ROS1: variants seen among roughly 807,000 people sequenced by gnomAD.
ROS1 encodes the protein proto-oncogene tyrosine-protein kinase ROS.
Under a neutral mutation model 273.5 loss-of-function variants are expected in ROS1, and 263 were observed. That is an observed-to-expected ratio of 0.96 (90% CI 0.87 to 1.06). ROS1 has a LOEUF of 1.06. Among genes scored for constraint, ROS1 ranks in the 50% least tolerant of loss-of-function variants. The probability of loss-of-function intolerance (pLI) is 0.00; values close to 1 mark genes in which losing one functional copy is unlikely to be tolerated. For missense variants in ROS1, 2,833 were observed against 2,751.1 expected (o/e 1.03, Z -0.67); for synonymous variants, 1,008 against 954.1 (o/e 1.06, Z -1.04).
At position 117,301,124 on chromosome 6, in the gene ROS1, T is replaced by A. The variant is rs768649987; in HGVS notation, c.6565A>T (p.Thr2189Ser). Residue 2189 changes from threonine (T) to serine (S), a missense_variant, in exon 43 of 44, where the codon ACC (threonine) becomes TCC (serine). Transcript: ENST00000368507. ...NCPDDLWNLMTQCWAQEPDQR... is the reference protein window; with the variant it reads ...NCPDDLWNLMSQCWAQEPDQR... ...TCGGGTTCTTGAGCCCAGCACTGGG[T>A]CATTAAATTCCACCTAAATATATGG... The A allele has an allele frequency of 6.3e-7, 1 of 1,585,320 alleles. No homozygotes were observed. Among genetic ancestry groups the A allele is most frequent in the South Asian group, 1.2e-5 (1 of 82,950 alleles).
In ROS1 at chr6:117,387,814, C is replaced by T. The variant is rs993831048; in HGVS notation, c.1965G>A (p.Trp655Ter). 1 of 1,614,136 alleles carries T rather than the reference C, an allele frequency of 6.2e-7. No homozygotes were observed. Among genetic ancestry groups the T allele is most frequent in the African/African-American group, 1.3e-5 (1 of 75,028 alleles). ...RASSPKRPGP[W>*]SEPSVGTTLV... ...GGGTAGTACCCACTGAGGGCTCTGA[C>T]CAGGGGCCTGGCCTCTTTGGAGAAC... Residue 655 changes from tryptophan (W) to a stop codon, truncating the protein, a stop_gained, in exon 14 of 44, where the codon TGG becomes TGA. Transcript: ENST00000368507. LOFTEE classifies it high-confidence loss of function.
chr6:117,363,827 T>C (rs1194530291), intron 21 of ROS1, among the ~76,000 whole-genome samples: 1 of 152,134 alleles, frequency 6.6e-6, no homozygotes, highest in Non-Finnish European at 1.5e-5. Flanking sequence ...GTGCATGTGT[T>C]TATCTCCCTC....
At chr6:117,290,041 G>C (rs934485644) in intron 43 of ROS1, among the ~76,000 whole-genome samples, 1 of 152,100 alleles carries the variant, frequency 6.6e-6, no homozygotes, top group East Asian at 1.9e-4. Flanking sequence ...AAAGAAATCA[G>C]TCTAAAGGAA....
chr6:117,311,118 CTG>C lies in ROS1; in HGVS notation c.6118-3_6118-2del, dbSNP rs1775512182. 6.3e-7 allele frequency: 1 copy of C among 1,585,902 alleles called. No homozygotes were observed. The highest frequency in any genetic ancestry group is 1.4e-5 in the African/African-American group (1 of 73,650). On this transcript the variant is annotated splice_acceptor_variant and splice_polypyrimidine_tract_variant and intron_variant, in intron 39 of 43. Transcript: ENST00000368507. LOFTEE classifies it high-confidence loss of function. ...CCAAGGTGAGTAAAGGACCATAAAA[CTG>C]TAAGAAATGAAAGAAAAATTACAGG...
chr6:117,290,589 C>G (rs1462384675), intron 43 of ROS1, among the ~76,000 whole-genome samples: 1 of 152,112 alleles, frequency 6.6e-6, no homozygotes, highest in East Asian at 1.9e-4. Flanking sequence ...TAGACATATG[C>G]CGGCTGACTG....
At chr6:117,404,607 AGTCT>A (rs1441353744) in intron 5 of ROS1, among the ~76,000 whole-genome samples, 179 bp from the exon 6 acceptor site, 1 of 146,556 alleles carries the variant, frequency 6.8e-6, no homozygotes, top group Non-Finnish European at 1.5e-5. Context: ...TCAATCAGTC[AGTCT>A]GTCAGTCTTT....
chr6:117,422,636 C>A (rs1775845474), intron 1 of ROS1, among the ~76,000 whole-genome samples: 1 of 151,856 alleles, frequency 6.6e-6, no homozygotes, highest in Admixed American at 6.6e-5. Context: ...TTTTAAAAAT[C>A]TTCCAAATCC....
chr6:117,379,135 T>G lies in ROS1; in HGVS notation c.2506A>C (p.Ser836Arg), dbSNP rs746721106. Residue 836 changes from serine to arginine, a missense_variant, in exon 18 of 44, where the codon AGT becomes CGT. Coordinates refer to ENST00000368507, the MANE Select transcript of ROS1 (RefSeq NM_001378902.1). ...ACCAACCAATACAGGAGCCCATCAC[T>G]GAGGTCTAAAGTTAGAGCAATTACC... ...KKVIALTLDL[S>R]DGLLYWLVQD... The G allele has an allele frequency of 4.3e-6, 7 of 1,612,410 alleles. No homozygotes were observed. In the South Asian group the frequency reaches 7.7e-5, roughly 18 times the overall value.
rs1190220728 is a variant in ROS1 at position 117,311,047 on chromosome 6, T to A, written c.6188A>T (p.Tyr2063Phe). The change falls in exon 40 of 44, where the codon TAC becomes TTC. Residue 2063 changes from tyrosine (Y) to phenylalanine (F), a missense_variant. Transcript: ENST00000368507. ...GTGAATGAAATGCATCCGTTCCAAG[T>A]AGACACAGCCTTTTGAAATATCTAC... ...LCVDISKGCV[Y>F]LERMHFIHRD... is the part of the protein sequence containing the mutation. 2 of 1,609,860 alleles carry A rather than the reference T, an allele frequency of 1.2e-6. No individual in the cohort carries two copies. Among genetic ancestry groups the A allele is most frequent in the Non-Finnish European group, 1.7e-6 (2 of 1,177,706 alleles).
chr6:117,382,535 T>C (rs982381341), intron 17 of ROS1, among the ~76,000 whole-genome samples: 1 of 152,170 alleles, frequency 6.6e-6, no homozygotes, highest in Non-Finnish European at 1.5e-5. Flanking sequence ...TTCTGCAATT[T>C]TCAAGTTTTT....
chr6:117,418,541 T>G, intron 1 of ROS1, 35 bp from the exon 2 acceptor site: 1 of 1,554,706 alleles, frequency 6.4e-7, no homozygotes. Context: ...ACACCAGCCA[T>G]CAGTACTGGG....
intron 35 of ROS1, among the ~76,000 whole-genome samples, chr6:117,324,027 G>A (rs1420789612): frequency 6.6e-6 from 1 of 152,146 alleles, no homozygotes; most frequent in African/African-American, 2.4e-5. Context: ...ACATTTGTAT[G>A]CAGCCAATCA....
At chr6:117,378,168 C>G (rs1442698886) in intron 18 of ROS1, among the ~76,000 whole-genome samples, 1 of 152,110 alleles carries the variant, frequency 6.6e-6, no homozygotes, top group Non-Finnish European at 1.5e-5. Context: ...AATTCTACTC[C>G]TAGGTATTTA....
At position 117,383,495 on chromosome 6, in the gene ROS1, G is replaced by C. The variant is rs778946384; in HGVS notation, c.2303C>G (p.Ser768Cys). 1 of 1,613,528 alleles carries C rather than the reference G, an allele frequency of 6.2e-7. No individual in the cohort carries two copies. Among genetic ancestry groups the C allele is most frequent in the African/African-American group, 1.3e-5 (1 of 74,914 alleles). Reference sequence around the variant, plus strand: ...AATGTCTGTGTGTCCCGTCAACACAGACTGCCTTTGTATCTAAAAAACATA... The same window carrying C: ...AATGTCTGTGTGTCCCGTCAACACACACTGCCTTTGTATCTAAAAAACATA... ...AGKTYVIQRQ[S>C]VLTGHTDIVT... Residue 768 changes from serine to cysteine, a missense_variant, in exon 17 of 44, where the codon TCT becomes TGT. Coordinates refer to ENST00000368507, the MANE Select transcript of ROS1 (RefSeq NM_001378902.1).
At chr6:117,361,818 A>G (rs1362148392) in intron 22 of ROS1, among the ~76,000 whole-genome samples, 1 of 151,982 alleles carries the variant, frequency 6.6e-6, no homozygotes, top group African/African-American at 2.4e-5. Context: ...CCCCAAAAAG[A>G]AATGGTGGAA....
At chr6:117,388,718 A>G (rs1267566261) in intron 13 of ROS1, among the ~76,000 whole-genome samples, 2 of 152,234 alleles carry the variant, frequency 1.3e-5, no homozygotes, top group Non-Finnish European at 2.9e-5. Flanking sequence ...TCCTTTACAG[A>G]AAAAGTTTGC....
chr6:117,369,217 A>C (rs954179293), intron 18 of ROS1, among the ~76,000 whole-genome samples: 1 of 152,208 alleles, frequency 6.6e-6, no homozygotes, highest in Admixed American at 6.5e-5. Context: ...GCCCTTTGTT[A>C]TCTCACTGGG....
chr6:117,318,128 A>T (rs2128556682), intron 38 of ROS1, 60 bp downstream of exon 38: 1 of 1,257,240 alleles, frequency 8.0e-7, no homozygotes, highest in Non-Finnish European at 1.2e-6. Flanking sequence ...GGTGTTAAAA[A>T]TAAGTCAAGC....
chr6:117,423,756 T>C (rs1392386753), intron 1 of ROS1, among the ~76,000 whole-genome samples: 1 of 152,134 alleles, frequency 6.6e-6, no homozygotes, highest in African/African-American at 2.4e-5. Flanking sequence ...AATAAAATTA[T>C]AGATGACCTT....
Sources: gnomAD v4.1 joint callset for allele counts (sites outside exome capture counted in the v4.1 genomes callset) on GRCh38, gnomAD v4.1.1 for gene constraint, MANE v1.5 for transcripts, NCBI Gene and HGNC (gene_info 2026-07-23, HGNC 2026-07-21) for gene names.